Variants in DNAH3 observed in about 807,000 individuals in gnomAD.
The protein encoded by DNAH3 is dynein axonemal heavy chain 3.
Under a neutral mutation model 432.5 loss-of-function variants are expected in DNAH3, and 332 were observed. That is an observed-to-expected ratio of 0.77 (90% CI 0.70 to 0.84). The LOEUF is 0.84. Ranked by LOEUF, DNAH3 falls within the 40% of genes least tolerant of loss-of-function variation. The pLI is 0.00. For missense variants in DNAH3, 4,861 were observed against 5,114.0 expected (o/e 0.95, Z 1.51); for synonymous variants, 1,956 against 1,900.2 (o/e 1.03, Z -0.76).
At chr16:21,132,843 A>C (rs1157231693) in intron 7 of DNAH3, among the ~76,000 whole-genome samples, 3 of 152,190 alleles carry the variant, frequency 2.0e-5, no homozygotes, top group Non-Finnish European at 2.9e-5. Context: ...GAATATATTA[A>C]AAACTTGCAT....
intron 12 of DNAH3, 103 bp from the exon 13 acceptor site, chr16:21,112,201 A>G (rs1416916464): frequency 2.7e-6 from 2 of 750,612 alleles, no homozygotes; most frequent in African/African-American, 1.8e-5. Context: ...TAAAAAATGT[A>G]GCCCAAGCCA....
chr16:21,127,695 A>T, exon 8 of DNAH3: 4 of 1,614,054 alleles, frequency 2.5e-6, no homozygotes. Context: ...ACTTGTTGAG[A>T]AGAGTCTGGT....
At chr16:20,993,784 A>G (rs1185450792) in intron 44 of DNAH3, among the ~76,000 whole-genome samples, 1 of 152,110 alleles carries the variant, frequency 6.6e-6, no homozygotes, top group African/African-American at 2.4e-5. Flanking sequence ...CCCTGCCTCA[A>G]GCGATCCTCC....
intron 54 of DNAH3, among the ~76,000 whole-genome samples, chr16:20,955,710 G>A (rs1208103016): frequency 6.6e-6 from 1 of 152,066 alleles, no homozygotes; most frequent in Non-Finnish European, 1.5e-5. Context: ...GTTTGCTGAT[G>A]CCTGTCATAT....
intron 57 of DNAH3, among the ~76,000 whole-genome samples, 181 bp downstream of exon 57, chr16:20,948,302 C>A (rs1409727146): frequency 6.6e-6 from 1 of 152,092 alleles, no homozygotes; most frequent in Non-Finnish European, 1.5e-5. Flanking sequence ...CCGACCCCCT[C>A]CTTAAACAGT....
At chr16:20,961,769 T>G (rs560653430) in intron 53 of DNAH3, among the ~76,000 whole-genome samples, 24 of 149,112 alleles carry the variant, frequency 1.6e-4, no homozygotes, top group African/African-American at 2.7e-4. Flanking sequence ...TTTTTTTTTT[T>G]TTTTTTTTTT....
chr16:21,152,874 C>T lies in DNAH3; in HGVS notation c.117+6451G>A, dbSNP rs371663908. ...GACTTGCAGCCCGCCATGCCTGAGC[C>T]TCCCACCCCCTCCGTGGGCTCCTGT... On this transcript the variant is annotated intron_variant, in intron 1 of 61. Transcript: ENST00000261383. 1.7e-4 allele frequency among the ~76,000 whole-genome samples: 26 copies of T among 152,382 alleles called. No individual in the cohort carries two copies. In the South Asian group the frequency reaches 5.2e-3, roughly 30 times the overall value.
At chr16:20,939,171 G>A (rs1302339632) in intron 59 of DNAH3, among the ~76,000 whole-genome samples, 1 of 151,924 alleles carries the variant, frequency 6.6e-6, no homozygotes, top group Non-Finnish European at 1.5e-5. Context: ...GCAGAGGAGG[G>A]AAGCCATTAG....
At chr16:21,034,129 G>T in intron 35 of DNAH3, 44 bp from the exon 36 acceptor site, 1 of 1,314,668 alleles carries the variant, frequency 7.6e-7, no homozygotes. Context: ...TCATTGCAAC[G>T]CTCCCCCATT....
chr16:21,099,795 C>T (rs1211295114), intron 16 of DNAH3, among the ~76,000 whole-genome samples: 1 of 152,126 alleles, frequency 6.6e-6, no homozygotes, highest in Non-Finnish European at 1.5e-5. Flanking sequence ...AAAATGTAAA[C>T]TCTATAAATA....
At chr16:20,937,704 T>G (rs1275843795) in intron 59 of DNAH3, among the ~76,000 whole-genome samples, 1 of 151,806 alleles carries the variant, frequency 6.6e-6, no homozygotes, top group East Asian at 1.9e-4. Flanking sequence ...GATTTTTTTT[T>G]AAGTAGAGAC....
Position 21,127,682 on chromosome 16 carries a change from C to T in DNAH3, c.1208+5G>A. Reference sequence around the variant, plus strand: ...TGCAGCCCCACTTGGAGGGCAGATACTGACTTGTTGAGAAGAGTCTGGTGT... The same window carrying T: ...TGCAGCCCCACTTGGAGGGCAGATATTGACTTGTTGAGAAGAGTCTGGTGT... On this transcript the variant is annotated splice_donor_5th_base_variant and intron_variant, in intron 8 of 61. Transcript: ENST00000261383. The T allele has an allele frequency of 6.2e-7, 1 of 1,613,932 alleles. No homozygotes were observed. Among genetic ancestry groups the T allele is most frequent in the Non-Finnish European group, 8.5e-7 (1 of 1,179,908 alleles).
Position 20,969,772 on chromosome 16 carries a change from C to G in DNAH3, c.8458+20G>C. ...AGGAAAGAGCAGCCTGTGCAGGCATCTGGGTGGGGTGGCACTTACCGGAGC... is the reference window on the plus strand; with the variant it reads ...AGGAAAGAGCAGCCTGTGCAGGCATGTGGGTGGGGTGGCACTTACCGGAGC... On this transcript the variant is annotated intron_variant, in intron 52 of 61. Transcript: ENST00000261383. The G allele has an allele frequency of 6.2e-7, 1 of 1,613,922 alleles. No individual in the cohort carries two copies. The highest frequency in any genetic ancestry group is 8.5e-7 in the Non-Finnish European group (1 of 1,179,954).
intron 22 of DNAH3, among the ~76,000 whole-genome samples, chr16:21,070,445 G>A (rs1255138566): frequency 1.3e-5 from 2 of 152,020 alleles, no homozygotes; most frequent in Non-Finnish European, 2.9e-5. Context: ...ACTATGCCTG[G>A]CTAATTTTTG....
At chr16:21,010,337 C>G (rs1204576741) in intron 41 of DNAH3, among the ~76,000 whole-genome samples, 2 of 152,136 alleles carry the variant, frequency 1.3e-5, no homozygotes, top group Non-Finnish European at 1.5e-5. Flanking sequence ...CCCCTACCCC[C>G]CCTACCCCAG....
intron 6 of DNAH3, 43 bp downstream of exon 7, chr16:21,136,281 T>C: frequency 6.3e-7 from 1 of 1,578,128 alleles, no homozygotes. Flanking sequence ...AGGTGCCCTC[T>C]ACATAGAAGC....
chr16:21,091,429 C>A (rs1283260106), intron 18 of DNAH3, among the ~76,000 whole-genome samples: 1 of 151,606 alleles, frequency 6.6e-6, no homozygotes, highest in Non-Finnish European at 1.5e-5. Context: ...ACTCCTGGAA[C>A]TAATAAGTGA....
At chr16:21,054,351 C>G in intron 28 of DNAH3, 69 bp downstream of exon 28, 4 of 1,204,036 alleles carry the variant, frequency 3.3e-6, no homozygotes, top group South Asian at 1.3e-5. Flanking sequence ...TCCAGGAGAA[C>G]TGAGATGAGC....
chr16:21,123,714 T>C (rs2092390485), intron 9 of DNAH3, among the ~76,000 whole-genome samples: 1 of 152,218 alleles, frequency 6.6e-6, no homozygotes, highest in Non-Finnish European at 1.5e-5. Flanking sequence ...TTCAAAAGAA[T>C]ATTCATCGAT....
Sources: allele counts gnomAD v4.1 joint callset (sites outside exome capture counted in the v4.1 genomes callset), GRCh38; gene constraint gnomAD v4.1.1; transcripts MANE v1.5; gene names NCBI Gene and HGNC (gene_info 2026-07-23, HGNC 2026-07-21).